The following TRIM77 variants were observed in gnomAD, a reference collection of about 807,000 sequenced individuals.
TRIM77 encodes tripartite motif-containing protein 77.
In TRIM77, 23 loss-of-function variants were observed where a neutral mutation model predicts 31.8. The observed-to-expected ratio is 0.72, with a 90% CI of 0.52 to 1.02. TRIM77 has a LOEUF of 1.02. Among genes scored for constraint, TRIM77 ranks in the 50% least tolerant of loss-of-function variants. The probability of loss-of-function intolerance (pLI) is 0.00; values close to 1 mark genes in which losing one functional copy is unlikely to be tolerated. For missense variants in TRIM77, 446 were observed against 539.2 expected (o/e 0.83, Z 1.71); for synonymous variants, 159 against 183.1 (o/e 0.87, Z 1.06).
chr11:89,711,034 C>G (rs1226867395), intron 1 of TRIM77, among the ~76,000 whole-genome samples: 1 of 152,136 alleles, frequency 6.6e-6, no homozygotes, highest in Non-Finnish European at 1.5e-5. Flanking sequence ...TTGGCTAACA[C>G]AGTCATGATT....
chr11:89,713,584 G>A (rs1216093672), intron 2 of TRIM77, among the ~76,000 whole-genome samples: 1 of 151,512 alleles, frequency 6.6e-6, no homozygotes, highest in Non-Finnish European at 1.5e-5. Context: ...ACAAGCCAGG[G>A]AAAGAATGAG....
Position 89,710,327 on chromosome 11 carries a change from C to CCAG in TRIM77, c.30_32dup (p.Ser11dup). ...GCTTCTGCTATCACGCAGTGTTCTACCAGTGAGCTCACCTGCTCGATCTGC... is the reference window on the plus strand; with the variant it reads ...GCTTCTGCTATCACGCAGTGTTCTACCAGCAGTGAGCTCACCTGCTCGATCTGC... On this transcript the variant is annotated inframe_insertion, in exon 1 of 6. Coordinates refer to ENST00000398290, the MANE Select transcript of TRIM77 (RefSeq NM_001146162.1). 1 of 1,539,936 alleles carries CCAG rather than the reference C, an allele frequency of 6.5e-7. No homozygotes were observed. Among genetic ancestry groups the CCAG allele is most frequent in the Admixed American group, 2.0e-5 (1 of 50,806 alleles).
chr11:89,717,428 C>A lies in TRIM77; in HGVS notation c.909C>A (p.Phe303Leu). 1 of 1,551,272 alleles carries A rather than the reference C, an allele frequency of 6.4e-7. No individual in the cohort carries two copies. The highest frequency in any genetic ancestry group is 8.7e-7 in the Non-Finnish European group (1 of 1,146,778). The change falls in exon 6 of 6, where the codon TTC (phenylalanine) becomes TTA (leucine). Residue 303 changes from phenylalanine (F) to leucine (L), a missense_variant. Coordinates refer to ENST00000398290, the MANE Select transcript of TRIM77 (RefSeq NM_001146162.1). ...TATGCAGTAATCACAAGCTTCTGTT[C>A]GAAGACCTAAGGCATTTGCAGTGCA... ...RKICSNHKLL[F>L]EDLRHLQCSL...
At chr11:89,713,886 T>C (rs1413484682) in intron 2 of TRIM77, among the ~76,000 whole-genome samples, 6 of 152,086 alleles carry the variant, frequency 3.9e-5, no homozygotes, top group African/African-American at 1.4e-4. Flanking sequence ...GAATAAAATT[T>C]AGGTATAATG....
In TRIM77 at chr11:89,714,272, G is replaced by T. The variant is rs16915837; in HGVS notation, c.588G>T (p.Lys196Asn). Residue 196 changes from lysine to asparagine, a missense_variant, in exon 3 of 6, where the codon AAG becomes AAT. By Grantham distance (94) the Lys-to-Asn change is moderately conservative. Transcript: ENST00000398290. ...AATACCTCCGTGAAGAAGAGCAAAAGCACGTAGAGAGCCTGGCAAGAGAAG... is the reference window on the plus strand; with the variant it reads ...AATACCTCCGTGAAGAAGAGCAAAATCACGTAGAGAGCCTGGCAAGAGAAG... ...VCQYLREEEQ[K>N]HVESLAREGR... The T allele has an allele frequency of 1.9e-6, 3 of 1,551,548 alleles. No individual in the cohort carries two copies. Among genetic ancestry groups the T allele is most frequent in the Non-Finnish European group, 1.7e-6 (2 of 1,147,004 alleles).
At chr11:89,711,972 T>C (rs981014212) in intron 2 of TRIM77, among the ~76,000 whole-genome samples, 5 of 152,152 alleles carry the variant, frequency 3.3e-5, no homozygotes, top group African/African-American at 9.7e-5. Context: ...TATTTGGGCA[T>C]GTGAGTAACT....
chr11:89,716,307 T>C (rs1368330313), intron 5 of TRIM77, among the ~76,000 whole-genome samples: 3 of 152,176 alleles, frequency 2.0e-5, no homozygotes, highest in Non-Finnish European at 2.9e-5. Context: ...TAAAACTGCA[T>C]ATTCATTCAA....
chr11:89,712,187 G>C (rs1168578837), intron 2 of TRIM77, among the ~76,000 whole-genome samples: 3 of 152,024 alleles, frequency 2.0e-5, no homozygotes, highest in Non-Finnish European at 4.4e-5. Flanking sequence ...CTTCTGAAGG[G>C]GACATATAAA....
At chr11:89,712,810 A>G (rs1384018370) in intron 2 of TRIM77, among the ~76,000 whole-genome samples, 3 of 152,232 alleles carry the variant, frequency 2.0e-5, no homozygotes, top group Admixed American at 1.3e-4. Flanking sequence ...ACATGAGCAC[A>G]GCAAGTTTGA....
At chr11:89,713,505 TAA>T in intron 2 of TRIM77, among the ~76,000 whole-genome samples, 1 of 140,188 alleles carries the variant, frequency 7.1e-6, no homozygotes, top group East Asian at 2.1e-4. Context: ...AATAATAATA[TAA>T]TTGAGTGAAA....
intron 2 of TRIM77, among the ~76,000 whole-genome samples, chr11:89,713,200 C>T (rs954156348): frequency 9.0e-5 from 13 of 144,888 alleles, no homozygotes; most frequent in African/African-American, 2.8e-4. Context: ...CACTTGAACC[C>T]GGGAGGCAGA....
In TRIM77 at chr11:89,717,846, C is replaced by T; in HGVS notation, c.1327C>T (p.Pro443Ser). The change falls in exon 6 of 6, where the codon CCT becomes TCT. Residue 443 changes from proline (P) to serine (S), a missense_variant. Around this residue, in one of 3 missense-constraint regions of TRIM77, gnomAD observed 366 missense variants for 447.9 expected, o/e 0.82. Coordinates refer to ENST00000398290, the MANE Select transcript of TRIM77 (RefSeq NM_001146162.1). ...ACGCATCTTCTATTTTCCTCTCAGACCTTTCATTTGCCACGGATCTAAATA... is the reference window on the plus strand; with the variant it reads ...ACGCATCTTCTATTTTCCTCTCAGATCTTTCATTTGCCACGGATCTAAATA... ...LSRIFYFPLR[P>S]FICHGSK is the part of the protein sequence containing the mutation. 1.3e-6 allele frequency: 2 copies of T among 1,543,362 alleles called. No homozygotes were observed. The highest frequency in any genetic ancestry group is 2.7e-5 in the African/African-American group (2 of 72,876).
intron 3 of TRIM77, among the ~76,000 whole-genome samples, chr11:89,714,832 C>A: frequency 6.6e-6 from 1 of 152,144 alleles, no homozygotes; most frequent in East Asian, 1.9e-4. Context: ...CCCCACACAT[C>A]CTTATAAGAA....
Position 89,714,294 on chromosome 11 carries a change from G to C in TRIM77, c.610G>C (p.Glu204Gln). 2 of 1,551,644 alleles carry C rather than the reference G, an allele frequency of 1.3e-6. No homozygotes were observed. The highest frequency in any genetic ancestry group is 1.7e-6 in the Non-Finnish European group (2 of 1,146,906). Residue 204 changes from glutamate to glutamine, a missense_variant, in exon 3 of 6, where the codon GAA (glutamate) becomes CAA (glutamine). This residue lies in a region of TRIM77 where 366 missense variants were observed against 447.9 expected (regional missense o/e 0.82). Transcript: ENST00000398290. ...AAAGCACGTAGAGAGCCTGGCAAGA[G>C]AAGGCAGGATAATTTTTCAGCAACT... Reference protein sequence around the residue: ...EQKHVESLAREGRIIFQQLKR... With the variant: ...EQKHVESLARQGRIIFQQLKR...
rs550127703 is a variant in TRIM77, at chr11:89,710,651, C to T, written c.353C>T (p.Ser118Phe). ...RSLLCFLCSQ[S>F]PRHATHKHYM... Reference sequence around the variant, plus strand: ...CTGCTGTGTTTTCTATGCTCTCAATCCCCAAGGCATGCTACTCACAAACAC... The same window carrying T: ...CTGCTGTGTTTTCTATGCTCTCAATTCCCAAGGCATGCTACTCACAAACAC... Residue 118 changes from serine to phenylalanine, a missense_variant, in exon 1 of 6, where the codon TCC becomes TTC. Ser to Phe is a radical substitution (Grantham distance 155). Coordinates refer to ENST00000398290, the MANE Select transcript of TRIM77 (RefSeq NM_001146162.1). The T allele has an allele frequency of 3.2e-6, 5 of 1,550,788 alleles. No individual in the cohort carries two copies. The highest frequency in any genetic ancestry group is 2.7e-5 in the African/African-American group (2 of 73,128).
intron 2 of TRIM77, among the ~76,000 whole-genome samples, 168 bp from the exon 3 acceptor site, chr11:89,714,024 A>G (rs2134545430): frequency 6.6e-6 from 1 of 152,290 alleles, no homozygotes; most frequent in Admixed American, 6.5e-5. Context: ...GGGAAACGGA[A>G]GAGGAAGGGA....
At position 89,713,474 on chromosome 11, in the gene TRIM77, A is replaced by AATG. The variant is rs1167631213; in HGVS notation, c.508-716_508-715insGAT. Among the ~76,000 whole-genome samples, 12 of 143,866 alleles carry AATG rather than the reference A, an allele frequency of 8.3e-5. 1 individual carries two copies. The highest frequency in any genetic ancestry group is 3.0e-4 in the African/African-American group (12 of 39,596). 94.4% of individuals were successfully genotyped at this position (143,866 alleles called of 152,430 possible). A position where few individuals can be genotyped will look rare whatever the true frequency, so the allele number is the denominator to read the frequency against. ...TTGTCTCAATAATAATAATAATAAT[A>AATG]ATAATAATAATAATAATAATAATAA... On this transcript the variant is annotated intron_variant, in intron 2 of 5. Transcript: ENST00000398290.
chr11:89,712,251 A>T (rs1282611573), intron 2 of TRIM77, among the ~76,000 whole-genome samples: 1 of 152,168 alleles, frequency 6.6e-6, no homozygotes, highest in Non-Finnish European at 1.5e-5. Flanking sequence ...GAGAATGCCA[A>T]AGGGGAACAA....
rs1386872402 is a variant in TRIM77 at position 89,711,515 on chromosome 11, A to G, written c.507+10A>G. Reference sequence around the variant, plus strand: ...AATCGGAACATGGGAAGTAAGCAGTAAGCTCATTTCTCTCAGAACCAGTTT... The same window carrying G: ...AATCGGAACATGGGAAGTAAGCAGTGAGCTCATTTCTCTCAGAACCAGTTT... On this transcript the variant is annotated intron_variant, in intron 2 of 5. Transcript: ENST00000398290. The G allele has an allele frequency of 3.4e-6, 5 of 1,453,672 alleles. No individual in the cohort carries two copies. Among genetic ancestry groups the G allele is most frequent in the Middle Eastern group, 1.7e-4 (1 of 5,830 alleles). 90.0% of individuals were successfully genotyped at this position (1,453,672 alleles called of 1,614,324 possible).
Sources: gnomAD v4.1 joint callset for allele counts (sites outside exome capture counted in the v4.1 genomes callset) on GRCh38, gnomAD v4.1.1 for gene constraint, gnomAD v4.1.1 regional missense constraint, MANE v1.5 for transcripts, NCBI Gene and HGNC (gene_info 2026-07-23, HGNC 2026-07-21) for gene names.